Variants in MTUS1 observed in about 807,000 individuals in gnomAD.
The protein encoded by MTUS1 is microtubule associated scaffold protein 1.
A neutral mutation model predicts 120.8 loss-of-function variants in MTUS1; 109 were observed. The ratio of observed to expected loss-of-function variants is 0.90; its 90% CI spans 0.77 to 1.06. The LOEUF is 1.06. Among genes scored for constraint, MTUS1 ranks in the 50% least tolerant of loss-of-function variants. The pLI, the probability that MTUS1 is intolerant of heterozygous loss-of-function variation, is 0.00. For synonymous variants in MTUS1, 737 were observed against 550.5 expected, an observed-to-expected ratio of 1.34 and a Z score of -4.74; for missense variants, 2,210 against 1,486.3, an observed-to-expected ratio of 1.49 and a Z score of -8.01.
chr8:17,677,916 T>A (rs1813453785), intron 7 of MTUS1, among the ~76,000 whole-genome samples: 2 of 152,318 alleles, frequency 1.3e-5, no homozygotes, highest in Admixed American at 1.3e-4. Flanking sequence ...TAGCAGATGC[T>A]GTGAAAATAT....
chr8:17,674,645 A>T, intron 8 of MTUS1: 1 of 986,814 alleles, frequency 1.0e-6, no homozygotes, highest in Middle Eastern at 5.1e-4. Context: ...AGGTGTTGAG[A>T]CGTGGGGCTC....
At chr8:17,735,481 G>A (rs769212549) in intron 3 of MTUS1, among the ~76,000 whole-genome samples, 2 of 152,204 alleles carry the variant, frequency 1.3e-5, no homozygotes, top group African/African-American at 4.8e-5. Flanking sequence ...CCTCGAGGCA[G>A]AGGCTCATCT....
chr8:17,730,175 G>C (rs549785298), intron 3 of MTUS1, among the ~76,000 whole-genome samples: 3 of 152,116 alleles, frequency 2.0e-5, no homozygotes, highest in Admixed American at 1.3e-4. Context: ...TCTAGGTACA[G>C]ATCCAAAAGA....
chr8:17,677,234 T>C (rs1232242059), intron 7 of MTUS1, among the ~76,000 whole-genome samples: 1 of 152,212 alleles, frequency 6.6e-6, no homozygotes, highest in African/African-American at 2.4e-5. Flanking sequence ...ATATGTATCA[T>C]AAATACTTCT....
chr8:17,656,541 CA>C (rs1157115513), intron 8 of MTUS1, among the ~76,000 whole-genome samples: 3 of 76,130 alleles, frequency 3.9e-5, no homozygotes, highest in East Asian at 3.2e-4. Context: ...AACAAACAAA[CA>C]AAACCCCCCC....
Position 17,754,488 on chromosome 8 carries a change from A to G in MTUS1, c.1320T>C (p.Phe440=). The change falls in exon 2 of 15, where the codon TTT becomes TTC. Residue 440 remains phenylalanine, a synonymous_variant. Coordinates refer to ENST00000693296, the MANE Select transcript of MTUS1 (RefSeq NM_001363059.2). The stretch of plus-strand genomic sequence containing the variant: ...CCGTCGCTTCAATCGGTGAAACAGA[A>G]AAGGTTACTTTTGTGGGTTCTAGGA... The part of the protein sequence containing the change: ...TPVLEPTKVT[F]SVSPIEATEK... The G allele has an allele frequency of 6.2e-7, 1 of 1,614,182 alleles. No individual in the cohort carries two copies. Among genetic ancestry groups the G allele is most frequent in the Non-Finnish European group, 8.5e-7 (1 of 1,180,042 alleles).
Position 17,644,687 on chromosome 8 carries a change from T to A in MTUS1, c.*1239A>T, listed in dbSNP as rs1363559163. On this transcript the variant is annotated 3_prime_UTR_variant, in exon 15 of 15. Transcript: ENST00000693296. ...TTTTCTTCTATCAAGTACTGCATCA[T>A]CGGTAAGCACTGAATCCTACCTTTC... 1.3e-5 allele frequency: 2 copies of A among 152,350 alleles called. No homozygotes were observed. The highest frequency in any genetic ancestry group is 3.9e-4 in the East Asian group (2 of 5,190). The allele number at this position is 152,350 out of a possible 1,614,324, so 9.4% of individuals were successfully genotyped here.
At chr8:17,694,993 G>C (rs1184109083) in intron 6 of MTUS1, among the ~76,000 whole-genome samples, 1 of 152,054 alleles carries the variant, frequency 6.6e-6, no homozygotes, top group East Asian at 1.9e-4. Flanking sequence ...TACAATCCAG[G>C]CCTCTTGGGA....
chr8:17,754,168 G>C lies in MTUS1; in HGVS notation c.1640C>G (p.Ser547Ter). 2 of 1,613,904 alleles carry C rather than the reference G, an allele frequency of 1.2e-6. No individual in the cohort carries two copies. The highest frequency in any genetic ancestry group is 8.5e-7 in the Non-Finnish European group (1 of 1,180,026). Reference protein sequence around the residue: ...TSASSPSSVNSRQQTVLSRTP... With the variant: ...TSASSPSSVN The stretch of plus-strand genomic sequence containing the variant: ...TCTGCTCAAGACTGTTTGTTGTCTT[G>C]AATTCACTGATGAGGGTGATGAGGC... Residue 547 changes from serine (S) to a stop codon, truncating the protein, a stop_gained, in exon 2 of 15, where the codon TCA becomes TGA. Coordinates refer to ENST00000693296, the MANE Select transcript of MTUS1 (RefSeq NM_001363059.2). LOFTEE classifies it high-confidence loss of function.
chr8:17,717,292 A>G (rs571574146), intron 4 of MTUS1, among the ~76,000 whole-genome samples: 6 of 152,120 alleles, frequency 3.9e-5, no homozygotes, highest in Non-Finnish European at 5.9e-5. Context: ...GAACCTAGAG[A>G]CTTGGCTTTT....
chr8:17,703,429 C>G (rs545999244), intron 6 of MTUS1, among the ~76,000 whole-genome samples: 1 of 151,944 alleles, frequency 6.6e-6, no homozygotes. Flanking sequence ...GTCAGGAGAT[C>G]GAGACCATCC....
rs144533711 is a variant in MTUS1 at position 17,705,582 on chromosome 8, TA to T, written c.2623+7631del. On this transcript the variant is annotated intron_variant, in intron 6 of 14. Transcript: ENST00000693296. ...GAAAAGAGCATCTGTGTTTTAAGTA[TA>T]GGGGGAAAGTTATGTTAATCATAAA... 1,072 of 152,252 alleles carry T rather than the reference TA, an allele frequency of 7.0e-3. 11 individuals are homozygous for T. The highest frequency in any genetic ancestry group is 0.024 in the African/African-American group (998 of 41,522). 9.4% of individuals were successfully genotyped at this position (152,252 alleles called of 1,614,324 possible). A position where few individuals can be genotyped will look rare whatever the true frequency, so the allele number is the denominator to read the frequency against.
intron 7 of MTUS1, among the ~76,000 whole-genome samples, chr8:17,681,386 C>T (rs1814461795): frequency 6.6e-6 from 1 of 152,174 alleles, no homozygotes; most frequent in Non-Finnish European, 1.5e-5. Flanking sequence ...GGATGACGTA[C>T]AGGAAGTTTA....
intron 14 of MTUS1, among the ~76,000 whole-genome samples, chr8:17,646,465 G>C (rs1039145521): frequency 6.6e-6 from 1 of 152,146 alleles, no homozygotes; most frequent in African/African-American, 2.4e-5. Flanking sequence ...ACATGTGCCT[G>C]TAGTCCCAGC....
intron 4 of MTUS1, among the ~76,000 whole-genome samples, chr8:17,718,550 A>G (rs1822768031): frequency 2.0e-5 from 3 of 152,104 alleles, no homozygotes; most frequent in African/African-American, 7.2e-5. Flanking sequence ...GGCTGGATGC[A>G]TCCTCAGAAT....
Position 17,653,267 on chromosome 8 carries a change from A to T in MTUS1, c.3303T>A (p.Asp1101Glu), listed in dbSNP as rs774876479. The change falls in exon 12 of 15, where the codon GAT becomes GAA. Residue 1101 changes from aspartate (D) to glutamate (E), a missense_variant. Transcript: ENST00000693296. ...KQESLEKQIN[D>E]LKSENDALNE... is the part of the protein sequence containing the mutation. ...TTAAAGCATCATTTTCACTCTTCAG[A>T]TCATTGATTTGCTTCTAAAACACAA... 2 of 1,556,560 alleles carry T rather than the reference A, an allele frequency of 1.3e-6. No individual in the cohort carries two copies. The highest frequency in any genetic ancestry group is 2.8e-5 in the African/African-American group (2 of 72,240).
chr8:17,687,784 T>C (rs1816131933), intron 6 of MTUS1, among the ~76,000 whole-genome samples: 1 of 152,214 alleles, frequency 6.6e-6, no homozygotes, highest in Non-Finnish European at 1.5e-5. Context: ...GATGACCCTG[T>C]TGGCTATCTT....
In MTUS1 at chr8:17,734,911, CTT is replaced by C. The variant is rs113060045; in HGVS notation, c.2287+8691_2287+8692del. 4.2e-4 allele frequency among the ~76,000 whole-genome samples: 63 copies of C among 148,676 alleles called. 2 individuals are homozygous for C. The highest frequency in any genetic ancestry group is 1.7e-3 in the Admixed American group (25 of 14,948). On this transcript the variant is annotated intron_variant, in intron 3 of 14. Coordinates refer to ENST00000693296, the MANE Select transcript of MTUS1 (RefSeq NM_001363059.2). ...TTGAGACCTCAAAACTTCACACCAA[CTT>C]TTTTTTTTTTCTTTTCTTTTCAGAG...
chr8:17,739,259 C>A (rs1168705503), intron 3 of MTUS1, among the ~76,000 whole-genome samples: 3 of 152,002 alleles, frequency 2.0e-5, no homozygotes, highest in Non-Finnish European at 4.4e-5. Context: ...TTTGGGAGGC[C>A]GAGGCGGGTG....
Sources: allele counts gnomAD v4.1 joint callset (sites outside exome capture counted in the v4.1 genomes callset), GRCh38; gene constraint gnomAD v4.1.1; transcripts MANE v1.5; gene names NCBI Gene and HGNC (gene_info 2026-07-23, HGNC 2026-07-21).